Variants in RAD9A observed in about 807,000 individuals in gnomAD.
RAD9A encodes the protein RAD9 checkpoint clamp component A, also known as cell cycle checkpoint control protein RAD9A.
RAD9A carries 25 observed loss-of-function variants against 41.2 expected under a neutral mutation model. That is an observed-to-expected ratio of 0.61 (90% CI 0.44 to 0.85). The LOEUF is 0.85. Ranked by LOEUF, RAD9A falls within the 40% of genes least tolerant of loss-of-function variation. The pLI is 0.00. For missense variants in RAD9A, 514 were observed against 518.3 expected (o/e 0.99, Z 0.08); for synonymous variants, 252 against 210.6 (o/e 1.20, Z -1.70).
chr11:67,397,806 AC>A lies in RAD9A; in HGVS notation c.*248del. On this transcript the variant is annotated 3_prime_UTR_variant, in exon 11 of 11. Coordinates refer to ENST00000307980, the MANE Select transcript of RAD9A (RefSeq NM_004584.3). ...TTCCAGACTTGGCCCTGAACTACTG[AC>A]GTTCCTACCTCTTATTTCTCATTGA... is the stretch of plus-strand genomic sequence containing the variant. 1 of 515,658 alleles carries A rather than the reference AC, an allele frequency of 1.9e-6. No individual in the cohort carries two copies. The highest frequency in any genetic ancestry group is 3.4e-6 in the Non-Finnish European group (1 of 290,612). 31.9% of individuals were successfully genotyped at this position (515,658 alleles called of 1,614,324 possible).
At position 67,397,611 on chromosome 11, in the gene RAD9A, G is replaced by C. The variant is rs573858808; in HGVS notation, c.*52G>C. 2.0e-6 allele frequency: 3 copies of C among 1,472,124 alleles called. No individual in the cohort carries two copies. In the East Asian group the frequency reaches 6.9e-5, roughly 34 times the overall value. 91.2% of individuals were successfully genotyped at this position (1,472,124 alleles called of 1,614,324 possible). On this transcript the variant is annotated 3_prime_UTR_variant, in exon 11 of 11. Coordinates refer to ENST00000307980, the MANE Select transcript of RAD9A (RefSeq NM_004584.3). ...AGGCCTTGGACTAGACGAAGCCCCA[G>C]CCAGTGGCAGAACTGGGTCTCTCAG... is the stretch of plus-strand genomic sequence containing the variant.
chr11:67,392,262 G>GGGGGGGT, intron 2 of RAD9A, 31 bp downstream of exon 2: 13 of 600,762 alleles, frequency 2.2e-5, no homozygotes, highest in Middle Eastern at 3.4e-4. Context: ...GGGCGGGTGG[G>GGGGGGGT]ACTCCAGCCG....
Position 67,398,184 on chromosome 11 carries a change from A to G in RAD9A, c.*625A>G. ...TAGATGTGAGACGGAGGCCATGGCGAGAATCCAGCTTTGACCTTTATTCAA... is the reference window on the plus strand; with the variant it reads ...TAGATGTGAGACGGAGGCCATGGCGGGAATCCAGCTTTGACCTTTATTCAA... On this transcript the variant is annotated 3_prime_UTR_variant, in exon 11 of 11. Transcript: ENST00000307980. The G allele has an allele frequency of 3.2e-6, 1 of 309,700 alleles. No individual in the cohort carries two copies. The allele number at this position is 309,700 out of a possible 1,614,324, so 19.2% of individuals were successfully genotyped here.
rs1257811086 is a variant in RAD9A at position 67,397,259 on chromosome 11, G to C, written c.953G>C (p.Gly318Ala). 3 of 1,612,420 alleles carry C rather than the reference G, an allele frequency of 1.9e-6. No homozygotes were observed. The highest frequency in any genetic ancestry group is 2.5e-6 in the Non-Finnish European group (3 of 1,178,940). ...IAMETTIGNE[G>A]SRVLPSISLS... ...ATGGAAACCACTATAGGCAATGAGG[G>C]CTCGCGGGTGCTGCCCTCCATTTCC... is the stretch of plus-strand genomic sequence containing the variant. The change falls in exon 10 of 11, where the codon GGC (glycine) becomes GCC (alanine). Residue 318 changes from glycine (G) to alanine (A), a missense_variant. Gly to Ala is a moderately conservative substitution (Grantham distance 60, BLOSUM62 0). Coordinates refer to ENST00000307980, the MANE Select transcript of RAD9A (RefSeq NM_004584.3).
At chr11:67,392,812 C>T in intron 3 of RAD9A, 30 bp downstream of exon 3, 1 of 1,611,302 alleles carries the variant, frequency 6.2e-7, no homozygotes, top group African/African-American at 1.3e-5. Context: ...AGTGGCACTA[C>T]TCCACCCCAG....
At position 67,397,217 on chromosome 11, in the gene RAD9A, ACT is replaced by A; in HGVS notation, c.914_915del (p.Ser305LeufsTer12). 1 of 1,613,568 alleles carries A rather than the reference ACT, an allele frequency of 6.2e-7. No homozygotes were observed. The highest frequency in any genetic ancestry group is 8.5e-7 in the Non-Finnish European group (1 of 1,179,824). ...GACGACTTTGCCAATGACGACATTG[ACT>A]CTTACATGATCGCCATGGAAACCAC... is the stretch of plus-strand genomic sequence containing the variant. On this transcript the variant is annotated frameshift_variant, in exon 10 of 11. Transcript: ENST00000307980. LOFTEE classifies it high-confidence loss of function.
Position 67,396,547 on chromosome 11 carries a change from G to A in RAD9A, c.872+147G>A, listed in dbSNP as rs1254421779. The A allele has an allele frequency of 4.8e-6, 5 of 1,031,096 alleles. No individual in the cohort carries two copies. In the African/African-American group the frequency reaches 6.5e-5, roughly 13 times the overall value. 63.9% of individuals were successfully genotyped at this position (1,031,096 alleles called of 1,614,324 possible). A position where few individuals can be genotyped will look rare whatever the true frequency, so the allele number is the denominator to read the frequency against. ...AGGCCCCAGCCCCTAACCCTATAGT[G>A]CTCACAGCTGCCAGCCCTGCAGACT... On this transcript the variant is annotated intron_variant, in intron 9 of 10. Coordinates refer to ENST00000307980, the MANE Select transcript of RAD9A (RefSeq NM_004584.3).
At position 67,396,186 on chromosome 11, in the gene RAD9A, G is replaced by A. The variant is rs1269572234; in HGVS notation, c.734+11G>A. On this transcript the variant is annotated intron_variant, in intron 8 of 10. Coordinates refer to ENST00000307980, the MANE Select transcript of RAD9A (RefSeq NM_004584.3). ...TGATGCTCCAGGCAGGTAGTTCCCA[G>A]CCTTGGGACAGGGAAGGGCTCTGGG... 1 of 1,614,032 alleles carries A rather than the reference G, an allele frequency of 6.2e-7. No homozygotes were observed. Among genetic ancestry groups the A allele is most frequent in the South Asian group, 1.1e-5 (1 of 91,078 alleles).
In RAD9A at chr11:67,393,371, G is replaced by A. The variant is rs1014589486; in HGVS notation, c.235-125G>A. 4.5e-5 allele frequency: 65 copies of A among 1,458,316 alleles called. 1 individual carries two copies. The Middle Eastern group carries it at 6.6e-4, about 15-fold the overall frequency. 90.3% of individuals were successfully genotyped at this position (1,458,316 alleles called of 1,614,324 possible). On this transcript the variant is annotated intron_variant, in intron 3 of 10. Coordinates refer to ENST00000307980, the MANE Select transcript of RAD9A (RefSeq NM_004584.3). Reference sequence around the variant, plus strand: ...GAGGCCTAGAAGGATGCCAGTGCCCGAGGTGACGTGGGAGCCCTTTTCCCA... The same window carrying A: ...GAGGCCTAGAAGGATGCCAGTGCCCAAGGTGACGTGGGAGCCCTTTTCCCA...
rs781173734 is a variant in RAD9A, at chr11:67,392,710, C to T, written c.162C>T (p.Ala54=). ...CTGCCTATGCCTGCTTTCTCTTTGCCCCGCTCTTCTTCCAGCAATACCAGG... is the reference window on the plus strand; with the variant it reads ...CTGCCTATGCCTGCTTTCTCTTTGCTCCGCTCTTCTTCCAGCAATACCAGG... The part of the protein sequence containing the change: ...SRSAYACFLF[A]PLFFQQYQAA... The change falls in exon 3 of 11, where the codon GCC becomes GCT. Residue 54 remains alanine (A), a synonymous_variant. Coordinates refer to ENST00000307980, the MANE Select transcript of RAD9A (RefSeq NM_004584.3). 6 of 1,614,020 alleles carry T rather than the reference C, an allele frequency of 3.7e-6. No individual in the cohort carries two copies. In the Admixed American group the frequency reaches 5.0e-5, roughly 13 times the overall value.
chr11:67,395,695 A>G (rs1862665328), intron 5 of RAD9A, 21 bp from the exon 6 acceptor site: 4 of 1,559,010 alleles, frequency 2.6e-6, no homozygotes, highest in Non-Finnish European at 3.5e-6. Context: ...CATTTCGGGT[A>G]ATGCTCCACC....
rs865815124 is a variant in RAD9A, at chr11:67,397,335, GGAA to G, written c.1032_1034del (p.Glu344del). On this transcript the variant is annotated inframe_deletion, in exon 10 of 11. Coordinates refer to ENST00000307980, the MANE Select transcript of RAD9A (RefSeq NM_004584.3). ...AGAGCCCCGGTCCCCACTCCGAGGA[GGAA>G]GATGAGGCTGAGCCCAGTACAGTGC... 1.8e-5 allele frequency: 28 copies of G among 1,598,614 alleles called. No homozygotes were observed. The highest frequency in any genetic ancestry group is 2.4e-5 in the Non-Finnish European group (28 of 1,172,646).
intron 9 of RAD9A, 114 bp downstream of exon 9, chr11:67,396,514 T>A: frequency 7.5e-7 from 1 of 1,333,378 alleles, no homozygotes; most frequent in Non-Finnish European, 1.0e-6. Flanking sequence ...GCCCCTTCTC[T>A]TTCTATCAGG....
At chr11:67,392,419 C>T (rs1297692717) in intron 2 of RAD9A, among the ~76,000 whole-genome samples, 188 bp downstream of exon 2, 1 of 152,236 alleles carries the variant, frequency 6.6e-6, no homozygotes, top group African/African-American at 2.4e-5. Flanking sequence ...CTGCGAGCTC[C>T]CAGGGGGTGA....
In RAD9A at chr11:67,392,151, C is replaced by G; in HGVS notation, c.35-10C>G. On this transcript the variant is annotated splice_polypyrimidine_tract_variant and intron_variant, in intron 1 of 10. Coordinates refer to ENST00000307980, the MANE Select transcript of RAD9A (RefSeq NM_004584.3). ...GCCAGCCTAACCCCCTTCCGCTCTT[C>G]TCCCCGCAGTGCTCGGCAAGGCCGT... is the stretch of plus-strand genomic sequence containing the variant. 6.2e-7 allele frequency: 1 copy of G among 1,611,914 alleles called. No homozygotes were observed.
chr11:67,393,232 A>G (rs915032434), intron 3 of RAD9A: 4 of 1,072,322 alleles, frequency 3.7e-6, no homozygotes, highest in Admixed American at 4.0e-5. Flanking sequence ...GTGAGCTGAG[A>G]TCGCACCACT....
chr11:67,393,183 G>C (rs1379528532), intron 3 of RAD9A: 1 of 677,468 alleles, frequency 1.5e-6, no homozygotes. Flanking sequence ...GGGAGGCTGA[G>C]GCAGGAGAAT....
intron 2 of RAD9A, among the ~76,000 whole-genome samples, 172 bp downstream of exon 2, chr11:67,392,403 G>A (rs1321633982): frequency 6.6e-6 from 1 of 152,252 alleles, no homozygotes; most frequent in Admixed American, 6.5e-5. Context: ...ATTGAGGAAA[G>A]CTGTCCTGCG....
intron 5 of RAD9A, among the ~76,000 whole-genome samples, chr11:67,394,347 C>T (rs1416566856): frequency 1.3e-5 from 2 of 152,184 alleles, no homozygotes; most frequent in Non-Finnish European, 2.9e-5. Flanking sequence ...AGTCCGAGCA[C>T]TGGGGGCTGT....
Sources: gnomAD v4.1 joint callset for allele counts (sites outside exome capture counted in the v4.1 genomes callset) on GRCh38, gnomAD v4.1.1 for gene constraint, MANE v1.5 for transcripts, NCBI Gene and HGNC (gene_info 2026-07-23, HGNC 2026-07-21) for gene names.